The following USP3 variants were observed in gnomAD, a reference collection of about 807,000 sequenced individuals.
USP3 encodes the protein ubiquitin specific peptidase 3, also known as ubiquitin carboxyl-terminal hydrolase 3.
USP3 carries 20 observed loss-of-function variants against 72.3 expected under a neutral mutation model. The ratio of observed to expected loss-of-function variants is 0.28; its 90% CI spans 0.19 to 0.40. The LOEUF (loss-of-function observed/expected upper bound fraction) is 0.40. Ranked by LOEUF, USP3 falls within the 10% of genes least tolerant of loss-of-function variation. The pLI is 1.00. For missense variants in USP3, 479 were observed against 633.9 expected (o/e 0.76, Z 2.62); for synonymous variants, 222 against 225.3 (o/e 0.99, Z 0.13).
rs539919356 is a variant in USP3, at chr15:63,591,881, A to T, written c.*1055A>T. The T allele has an allele frequency of 2.0e-5, 3 of 152,100 alleles. No individual in the cohort carries two copies. The South Asian group carries it at 6.2e-4, about 32-fold the overall frequency. The allele number at this position is 152,100 out of a possible 1,614,324, so 9.4% of individuals were successfully genotyped here. On this transcript the variant is annotated 3_prime_UTR_variant, in exon 15 of 15. Transcript: ENST00000380324. ...CTGATTGATAGGACAAGTTGAAAAT[A>T]CTGTTGGAGTAAGTAAGTGGAGTTT...
intron 1 of USP3, among the ~76,000 whole-genome samples, chr15:63,512,093 T>C (rs148328333): frequency 1.3e-5 from 2 of 151,812 alleles, no homozygotes; most frequent in East Asian, 3.9e-4. Context: ...GTGGCTGGGA[T>C]TACAGACGCA....
At chr15:63,536,478 AAGC>A (rs2066158404) in intron 2 of USP3, among the ~76,000 whole-genome samples, 1 of 152,078 alleles carries the variant, frequency 6.6e-6, no homozygotes, top group African/African-American at 2.4e-5. Flanking sequence ...GCTATAGTGA[AAGC>A]AGCAGCAAAG....
chr15:63,514,106 C>T (rs760024103), intron 1 of USP3, among the ~76,000 whole-genome samples: 1 of 152,210 alleles, frequency 6.6e-6, no homozygotes, highest in Non-Finnish European at 1.5e-5. Flanking sequence ...TATGAAGTAG[C>T]TGCCAGACCT....
intron 1 of USP3, among the ~76,000 whole-genome samples, chr15:63,511,585 A>G (rs1486967505): frequency 1.3e-5 from 2 of 152,184 alleles, no homozygotes; most frequent in African/African-American, 4.8e-5. Context: ...CGAAATTCAT[A>G]TTGCATTAGT....
rs2152684774 is a variant in USP3 at position 63,588,469 on chromosome 15, G to C, written c.1215+46G>C. 1 of 1,332,952 alleles carries C rather than the reference G, an allele frequency of 7.5e-7. No individual in the cohort carries two copies. The highest frequency in any genetic ancestry group is 1.1e-6 in the Non-Finnish European group (1 of 943,008). 82.6% of individuals were successfully genotyped at this position (1,332,952 alleles called of 1,614,324 possible). A position where few individuals can be genotyped will look rare whatever the true frequency, so the allele number is the denominator to read the frequency against. The stretch of plus-strand genomic sequence containing the variant: ...TATGAAGCAATTTCAATGGGAAAGT[G>C]CTTGACTGCTAAGACCATGTCTATA... On this transcript the variant is annotated intron_variant, in intron 12 of 14. Coordinates refer to ENST00000380324, the MANE Select transcript of USP3 (RefSeq NM_006537.4). The surrounding 1 kb of genome is among the most constrained non-coding windows in gnomAD (Gnocchi z 4.6).
At chr15:63,564,391 C>T (rs2066655266) in intron 8 of USP3, among the ~76,000 whole-genome samples, 1 of 152,072 alleles carries the variant, frequency 6.6e-6, no homozygotes, top group Admixed American at 6.5e-5. Context: ...GTGGAGTTGG[C>T]TAATAATAGA....
chr15:63,556,523 C>A, intron 4 of USP3, 144 bp from the exon 5 acceptor site: 3 of 525,888 alleles, frequency 5.7e-6, no homozygotes, highest in African/African-American at 1.9e-5. Context: ...ACTTCAAATA[C>A]GTGTGGGCCC....
At position 63,553,797 on chromosome 15, in the gene USP3, A is replaced by G; in HGVS notation, c.367A>G (p.Asn123Asp). 2 of 1,612,342 alleles carry G rather than the reference A, an allele frequency of 1.2e-6. No individual in the cohort carries two copies. Among genetic ancestry groups the G allele is most frequent in the Non-Finnish European group, 1.7e-6 (2 of 1,179,110 alleles). Reference protein sequence around the residue: ...KVREHLQNLENSAFTADRHKK... With the variant: ...KVREHLQNLEDSAFTADRHKK... ...CAGAGAACACTTACAGAACTTGGAA[A>G]AGTAAGTAATAGGCCTTTGGAAAAA... Residue 123 changes from asparagine (N) to aspartate (D), a missense_variant and splice_region_variant, in exon 4 of 15, where the codon AAC (asparagine) becomes GAC (aspartate). By Grantham distance (23) the Asn-to-Asp change is conservative. Transcript: ENST00000380324. This position sits in a 1 kb window ranked among gnomAD's most constrained non-coding sequence, Gnocchi z 4.2.
rs145555484 is a variant in USP3 at position 63,516,338 on chromosome 15, T to C, written c.91+11508T>C. Among the ~76,000 whole-genome samples the C allele has an allele frequency of 3.3e-4, 51 of 152,332 alleles. No homozygotes were observed. The East Asian group carries it at 9.6e-3, about 29-fold the overall frequency. ...AATAGTTCTCCAGGCTGGACAGTTT[T>C]TATCGTGTGATTCCCTCTGTTGTTC... On this transcript the variant is annotated intron_variant, in intron 1 of 14. Transcript: ENST00000380324.
intron 1 of USP3, among the ~76,000 whole-genome samples, chr15:63,510,192 T>C (rs936514534): frequency 2.0e-5 from 3 of 152,186 alleles, no homozygotes; most frequent in Admixed American, 2.0e-4. Flanking sequence ...TTTTATAGTG[T>C]TTGCAGCTCA....
At chr15:63,540,318 T>C (rs1005698266) in intron 3 of USP3, among the ~76,000 whole-genome samples, 4 of 152,220 alleles carry the variant, frequency 2.6e-5, no homozygotes, top group Non-Finnish European at 5.9e-5. Flanking sequence ...TTTCCTGAAC[T>C]CACAGCTCTT....
chr15:63,522,496 G>A (rs149758550), intron 1 of USP3, among the ~76,000 whole-genome samples: 37 of 152,314 alleles, frequency 2.4e-4, no homozygotes, highest in Middle Eastern at 3.4e-3. Context: ...CTCAAAATTA[G>A]CCTCTAAGGA....
intron 8 of USP3, among the ~76,000 whole-genome samples, 196 bp downstream of exon 8, chr15:63,563,204 A>G (rs1310484052): frequency 3.3e-5 from 5 of 152,208 alleles, no homozygotes; most frequent in Non-Finnish European, 4.4e-5. Flanking sequence ...ATAATAGACT[A>G]TAGAAATGTC....
chr15:63,537,131 G>A lies in USP3; in HGVS notation c.259G>A (p.Asp87Asn), dbSNP rs1443615380. ...QDKVQHTVCM[D>N]CSSYSTYCYR... ...TAAAGTTCAGCACACAGTATGTATG[G>A]ATTGCAGTAGCTACAGTACATACTG... The change falls in exon 3 of 15, where the codon GAT (aspartate) becomes AAT (asparagine). Residue 87 changes from aspartate to asparagine, a missense_variant. Physicochemically the swap from Asp to Asn is conservative, Grantham distance 23. Transcript: ENST00000380324. 1.2e-6 allele frequency: 2 copies of A among 1,613,946 alleles called. No individual in the cohort carries two copies. The highest frequency in any genetic ancestry group is 1.7e-5 in the Admixed American group (1 of 59,984).
intron 9 of USP3, 108 bp from the exon 10 acceptor site, chr15:63,573,938 C>T: frequency 1.7e-6 from 1 of 579,706 alleles, no homozygotes; most frequent in Admixed American, 3.5e-5. Context: ...TTAAATATTC[C>T]CTCAAAGGCA....
intron 3 of USP3, among the ~76,000 whole-genome samples, chr15:63,545,778 C>T (rs1333216642): frequency 6.6e-6 from 1 of 151,804 alleles, no homozygotes; most frequent in African/African-American, 2.4e-5. Flanking sequence ...CGAGACTAGC[C>T]TGAGCAACAT....
intron 3 of USP3, among the ~76,000 whole-genome samples, chr15:63,548,020 A>T (rs2066377864): frequency 1.2e-5 from 1 of 81,530 alleles, no homozygotes; most frequent in African/African-American, 5.2e-5. Flanking sequence ...CTGAGGTGGG[A>T]GGATCACTTG....
chr15:63,578,140 G>A (rs1160482620), intron 11 of USP3, among the ~76,000 whole-genome samples: 1 of 152,002 alleles, frequency 6.6e-6, no homozygotes, highest in East Asian at 1.9e-4. Flanking sequence ...GCCAGGTACG[G>A]TGGCATGTGC....
intron 11 of USP3, among the ~76,000 whole-genome samples, chr15:63,580,645 T>TAC (rs1425154020): frequency 3.2e-5 from 2 of 61,902 alleles, no homozygotes; most frequent in Non-Finnish European, 7.6e-5. Context: ...GTGGTGCATA[T>TAC]ATATATGAAT....
Sources: gnomAD v4.1 joint callset for allele counts (sites outside exome capture counted in the v4.1 genomes callset) on GRCh38, gnomAD v4.1.1 for gene constraint, Gnocchi (gnomAD v3.1) non-coding constraint, MANE v1.5 for transcripts, NCBI Gene and HGNC (gene_info 2026-07-23, HGNC 2026-07-21) for gene names.